PSD3: variants seen among roughly 807,000 people sequenced by gnomAD.
PSD3 encodes the protein pleckstrin and Sec7 domain containing 3, also known as PH and SEC7 domain-containing protein 3.
Under a neutral mutation model 105.5 loss-of-function variants are expected in PSD3, and 49 were observed. The ratio of observed to expected loss-of-function variants is 0.46; its 90% CI spans 0.37 to 0.59. The LOEUF (loss-of-function observed/expected upper bound fraction) is 0.59, where lower values mean the gene tolerates loss of function less well. PSD3 is among the 20% of genes least tolerant of loss of function. PSD3 has a pLI of 0.00. For missense variants in PSD3, 1,561 were observed against 1,263.8 expected (o/e 1.24, Z -3.57); for synonymous variants, 557 against 457.8 (o/e 1.22, Z -2.77).
intron 9 of PSD3, among the ~76,000 whole-genome samples, chr8:18,693,938 C>A (rs972112201): frequency 6.6e-6 from 1 of 152,126 alleles, no homozygotes; most frequent in East Asian, 1.9e-4. Flanking sequence ...AGAGATGAAG[C>A]ATTAGCATGG....
intron 1 of PSD3, among the ~76,000 whole-genome samples, chr8:18,945,570 G>GTTTGTGATA (rs1822807154): frequency 6.6e-6 from 1 of 152,228 alleles, no homozygotes; most frequent in African/African-American, 2.4e-5. Context: ...AAGCCACCAA[G>GTTTGTGATA]TTTGTGATAC....
At chr8:18,566,907 G>A (rs1801805633) in intron 14 of PSD3, among the ~76,000 whole-genome samples, 1 of 152,142 alleles carries the variant, frequency 6.6e-6, no homozygotes, top group Non-Finnish European at 1.5e-5. Flanking sequence ...TGCCTACCAT[G>A]ATAAATGTGT....
At chr8:18,808,112 T>C (rs1264594216) in intron 4 of PSD3, among the ~76,000 whole-genome samples, 2 of 152,214 alleles carry the variant, frequency 1.3e-5, no homozygotes, top group African/African-American at 4.8e-5. Flanking sequence ...CCCATACAAG[T>C]GACAGAAATG....
At chr8:18,678,878 C>G (rs1189005805) in intron 9 of PSD3, among the ~76,000 whole-genome samples, 1 of 152,036 alleles carries the variant, frequency 6.6e-6, no homozygotes, top group Admixed American at 6.6e-5. Flanking sequence ...TGGTTTGGTA[C>G]AACCCTAATT....
intron 1 of PSD3, among the ~76,000 whole-genome samples, chr8:18,974,716 G>A (rs1484148166): frequency 6.6e-6 from 1 of 151,958 alleles, no homozygotes. Context: ...GGGAACAGGG[G>A]TGGAGGGTTG....
chr8:18,953,746 C>CAA (rs199529691), intron 1 of PSD3, among the ~76,000 whole-genome samples: 2 of 146,434 alleles, frequency 1.4e-5, no homozygotes, highest in African/African-American at 5.0e-5. Flanking sequence ...GACTCCATCT[C>CAA]AAAAAAGAAA....
At chr8:18,789,183 T>C (rs1016294171) in intron 8 of PSD3, among the ~76,000 whole-genome samples, 4 of 152,210 alleles carry the variant, frequency 2.6e-5, no homozygotes, top group Admixed American at 2.0e-4. Context: ...GTTTCAGAGA[T>C]ACTGTTCCAG....
In PSD3 at chr8:18,532,264, T is replaced by G. The variant is rs1799665316; in HGVS notation, c.*3479A>C. ...GGCAGTAAGAGGCCTCTTTCCCTGC[T>G]GGTTGCAAAAATTCTTCCACAATCT... On this transcript the variant is annotated 3_prime_UTR_variant, in exon 16 of 16. Transcript: ENST00000327040. 1 of 152,270 alleles carries G rather than the reference T, an allele frequency of 6.6e-6. No homozygotes were observed. The highest frequency in any genetic ancestry group is 2.4e-5 in the African/African-American group (1 of 41,476). 9.4% of individuals were successfully genotyped at this position (152,270 alleles called of 1,614,324 possible).
intron 9 of PSD3, among the ~76,000 whole-genome samples, chr8:18,681,089 G>A (rs977837501): frequency 5.3e-5 from 8 of 152,138 alleles, no homozygotes; most frequent in Admixed American, 5.2e-4. Context: ...ACAAGGAGAA[G>A]CAATTATTAC....
intron 4 of PSD3, among the ~76,000 whole-genome samples, chr8:18,811,827 C>T (rs1427971641): frequency 6.6e-6 from 1 of 152,032 alleles, no homozygotes; most frequent in African/African-American, 2.4e-5. Flanking sequence ...CACATTTTCT[C>T]GACTCAGAGT....
At chr8:18,632,026 T>A (rs996483755) in intron 11 of PSD3, among the ~76,000 whole-genome samples, 4 of 151,986 alleles carry the variant, frequency 2.6e-5, no homozygotes, top group Non-Finnish European at 5.9e-5. Flanking sequence ...ATCAAGATAA[T>A]CATGCCTCAC....
intron 1 of PSD3, among the ~76,000 whole-genome samples, chr8:19,077,478 C>T (rs1374560734): frequency 6.6e-6 from 1 of 151,968 alleles, no homozygotes; most frequent in Non-Finnish European, 1.5e-5. Context: ...GGTGGACGTC[C>T]TTAAAAAAAA....
chr8:18,538,392 G>C (rs887652151), intron 15 of PSD3, among the ~76,000 whole-genome samples: 2 of 152,054 alleles, frequency 1.3e-5, no homozygotes, highest in Non-Finnish European at 2.9e-5. Context: ...TGAAATCAGA[G>C]GACTGAACAA....
At position 18,741,732 on chromosome 8, in the gene PSD3, T is replaced by A. The variant is rs572645582; in HGVS notation, c.2172+23717A>T. 2.0e-5 allele frequency among the ~76,000 whole-genome samples: 3 copies of A among 150,424 alleles called. No individual in the cohort carries two copies. In the East Asian group the frequency reaches 5.9e-4, roughly 30 times the overall value. ...TTGGGATGCCCTCTCCCACCTACTT[T>A]AAGCTCTCCAGAGACTGTGATACAA... On this transcript the variant is annotated intron_variant, in intron 9 of 15. Transcript: ENST00000327040.
At chr8:18,942,385 G>T (rs1179439427) in intron 1 of PSD3, among the ~76,000 whole-genome samples, 1 of 152,162 alleles carries the variant, frequency 6.6e-6, no homozygotes, top group African/African-American at 2.4e-5. Flanking sequence ...CAGGCCCATG[G>T]AAGCAGGGAG....
chr8:18,655,745 C>T, intron 9 of PSD3, 60 bp from the exon 10 acceptor site: 1 of 1,486,250 alleles, frequency 6.7e-7, no homozygotes, highest in Non-Finnish European at 9.4e-7. Flanking sequence ...ATTTTGAATT[C>T]AGCAAATGAC....
Position 18,629,024 on chromosome 8 carries a change from A to T in PSD3, c.2410+3589T>A, listed in dbSNP as rs144571650. Among the ~76,000 whole-genome samples the T allele has an allele frequency of 9.4e-3, 1,433 of 152,034 alleles. 19 individuals are homozygous for T. The highest frequency in any genetic ancestry group is 0.032 in the African/African-American group (1,333 of 41,540). Reference sequence around the variant, plus strand: ...ACTGTGATTTACAATAAAAAGCGAGACCCACCAATATTCCATATAATAGAA... The same window carrying T: ...ACTGTGATTTACAATAAAAAGCGAGTCCCACCAATATTCCATATAATAGAA... On this transcript the variant is annotated intron_variant, in intron 11 of 15. Coordinates refer to ENST00000327040, the MANE Select transcript of PSD3 (RefSeq NM_015310.4).
chr8:18,663,677 A>G (rs191045447), intron 9 of PSD3, among the ~76,000 whole-genome samples: 1 of 152,348 alleles, frequency 6.6e-6, no homozygotes, highest in East Asian at 1.9e-4. Flanking sequence ...CTATGCTAGT[A>G]TGAATAACAC....
chr8:18,775,247 A>G (rs1028913824), intron 8 of PSD3, among the ~76,000 whole-genome samples: 1 of 152,192 alleles, frequency 6.6e-6, no homozygotes, highest in Admixed American at 6.5e-5. Flanking sequence ...CACATTTTCT[A>G]TATCCATTCA....
Sources: gnomAD v4.1 joint callset for allele counts (sites outside exome capture counted in the v4.1 genomes callset) on GRCh38, gnomAD v4.1.1 for gene constraint, MANE v1.5 for transcripts, NCBI Gene and HGNC (gene_info 2026-07-23, HGNC 2026-07-21) for gene names.